The following CDH8 variants were observed in gnomAD, a reference collection of about 807,000 sequenced individuals.
CDH8 encodes cadherin 8.
In CDH8, 17 loss-of-function variants were observed where a neutral mutation model predicts 68.1. The ratio of observed to expected loss-of-function variants is 0.25; its 90% CI spans 0.17 to 0.37. CDH8 has a LOEUF of 0.37. CDH8 is among the 10% of genes least tolerant of loss of function. The pLI, the probability that CDH8 is intolerant of heterozygous loss-of-function variation, is 1.00. For missense variants in CDH8, 763 were observed against 999.3 expected (o/e 0.76, Z 3.19); for synonymous variants, 372 against 365.1 (o/e 1.02, Z -0.21).
Position 61,647,689 on chromosome 16 carries a change from T to G in CDH8, c.*5919A>C, listed in dbSNP as rs555989541. ...GAGCATAATTGTTAAAATTTTCCTC[T>G]TATTTTTGAGGAATCATAGGATGGC... On this transcript the variant is annotated 3_prime_UTR_variant, in exon 12 of 12. Coordinates refer to ENST00000577390, the MANE Select transcript of CDH8 (RefSeq NM_001796.5). The G allele has an allele frequency of 1.9e-4, 122 of 639,404 alleles. No individual in the cohort carries two copies. In the South Asian group the frequency reaches 1.9e-3, roughly 10 times the overall value. The allele number at this position is 639,404 out of a possible 1,614,324, so 39.6% of individuals were successfully genotyped here.
chr16:61,882,366 T>A (rs2143136552), intron 3 of CDH8, among the ~76,000 whole-genome samples: 1 of 152,338 alleles, frequency 6.6e-6, no homozygotes, highest in South Asian at 2.1e-4. Context: ...AATAAAGAGA[T>A]GATGTTGAAA....
intron 9 of CDH8, among the ~76,000 whole-genome samples, chr16:61,723,498 C>T (rs1171242001): frequency 6.0e-5 from 9 of 150,774 alleles, no homozygotes; most frequent in Non-Finnish European, 3.0e-5. Flanking sequence ...AGCTCCATTT[C>T]CCCTTCTCCC....
At chr16:61,852,584 AG>A (rs988156104) in intron 4 of CDH8, among the ~76,000 whole-genome samples, 21 of 152,200 alleles carry the variant, frequency 1.4e-4, no homozygotes, top group Non-Finnish European at 2.4e-4. Context: ...ATTTGGAAAA[AG>A]CATGAATGCT....
chr16:61,847,077 C>T (rs1295076379), intron 4 of CDH8, among the ~76,000 whole-genome samples: 1 of 152,096 alleles, frequency 6.6e-6, no homozygotes, highest in Non-Finnish European at 1.5e-5. Context: ...AATCCAGCAT[C>T]TCCTGGGATC....
intron 9 of CDH8, among the ~76,000 whole-genome samples, chr16:61,716,737 A>G (rs560830666): frequency 6.6e-6 from 1 of 151,830 alleles, no homozygotes; most frequent in South Asian, 2.1e-4. Flanking sequence ...ACTGGTTATG[A>G]TTAAGATTTT....
In CDH8 at chr16:61,650,487, A is replaced by C. The variant is rs181197564; in HGVS notation, c.*3121T>G. 1 of 152,278 alleles carries C rather than the reference A, an allele frequency of 6.6e-6. No individual in the cohort carries two copies. The highest frequency in any genetic ancestry group is 1.5e-5 in the Non-Finnish European group (1 of 68,020). The allele number at this position is 152,278 out of a possible 1,614,324, so 9.4% of individuals were successfully genotyped here. ...TGATGAAACAGACAACAATGCACAT[A>C]GCTTTAAAAATATAGTCATTTCAAT... On this transcript the variant is annotated 3_prime_UTR_variant, in exon 12 of 12. Transcript: ENST00000577390.
intron 4 of CDH8, among the ~76,000 whole-genome samples, chr16:61,852,790 C>G (rs1962962281): frequency 6.6e-6 from 1 of 151,820 alleles, no homozygotes; most frequent in African/African-American, 2.4e-5. Context: ...TTCCCTTTAT[C>G]CTCCCTGCTT....
Position 62,021,413 on chromosome 16 carries a change from A to G in CDH8, c.-10T>C, listed in dbSNP as rs746931595. Reference sequence around the variant, plus strand: ...CTAGCCGTTCTGGCATGGTCCCACCAGTTAAGCAAATCACCACGAAAATGA... The same window carrying G: ...CTAGCCGTTCTGGCATGGTCCCACCGGTTAAGCAAATCACCACGAAAATGA... On this transcript the variant is annotated 5_prime_UTR_variant, in exon 2 of 12. Transcript: ENST00000577390. 10 of 1,582,184 alleles carry G rather than the reference A, an allele frequency of 6.3e-6. No individual in the cohort carries two copies. The South Asian group carries it at 1.0e-4, about 16-fold the overall frequency.
intron 8 of CDH8, among the ~76,000 whole-genome samples, chr16:61,760,470 C>T (rs1179413759): frequency 6.6e-6 from 1 of 151,764 alleles, no homozygotes; most frequent in Admixed American, 6.6e-5. Flanking sequence ...ACCACCATGC[C>T]CAGCTAATTT....
intron 10 of CDH8, chr16:61,692,859 C>T (rs976258776): frequency 6.6e-6 from 1 of 152,088 alleles, no homozygotes; most frequent in Non-Finnish European, 1.5e-5. Context: ...AAACTATTAG[C>T]TTCTTAGTTA....
intron 10 of CDH8, chr16:61,692,474 C>T (rs1001436443): frequency 1.3e-5 from 2 of 151,970 alleles, no homozygotes; most frequent in African/African-American, 4.8e-5. Flanking sequence ...TTTCTACACA[C>T]ATACACACCA....
At chr16:61,907,852 G>A (rs958689913) in intron 2 of CDH8, among the ~76,000 whole-genome samples, 2 of 151,816 alleles carry the variant, frequency 1.3e-5, no homozygotes, top group African/African-American at 2.4e-5. Context: ...AGACCATCCT[G>A]GCTAACACGG....
intron 2 of CDH8, among the ~76,000 whole-genome samples, chr16:61,984,514 C>G (rs1237552664): frequency 6.6e-6 from 1 of 151,450 alleles, no homozygotes; most frequent in Non-Finnish European, 1.5e-5. Context: ...TCATCTCCAA[C>G]TCTTGGGCTC....
chr16:61,708,793 G>A (rs1170527115), intron 10 of CDH8, among the ~76,000 whole-genome samples: 1 of 152,100 alleles, frequency 6.6e-6, no homozygotes, highest in African/African-American at 2.4e-5. Context: ...GCTGTTCTCC[G>A]TATCTATGAT....
chr16:62,032,000 C>T (rs183384346), intron 1 of CDH8: 110 of 152,234 alleles, frequency 7.2e-4, no homozygotes, highest in African/African-American at 2.5e-3. Flanking sequence ...GAAATAGATT[C>T]GCATCACAAT....
intron 7 of CDH8, among the ~76,000 whole-genome samples, chr16:61,799,974 T>C (rs1961583669): frequency 6.6e-6 from 1 of 152,142 alleles, no homozygotes; most frequent in Non-Finnish European, 1.5e-5. Flanking sequence ...AGTGGCACGA[T>C]CCCAGCTCAC....
chr16:61,886,863 C>T (rs1188463573), intron 3 of CDH8, among the ~76,000 whole-genome samples: 6 of 152,132 alleles, frequency 3.9e-5, no homozygotes, highest in Non-Finnish European at 8.8e-5. Flanking sequence ...GAATGTCTGC[C>T]TGTGTCCCAG....
At chr16:61,725,651 T>C (rs1303816890) in intron 9 of CDH8, 2 of 150,770 alleles carry the variant, frequency 1.3e-5, no homozygotes, top group African/African-American at 4.8e-5. Flanking sequence ...TATGTATTGA[T>C]ATGTGTATAT....
intron 2 of CDH8, among the ~76,000 whole-genome samples, chr16:61,928,370 C>G (rs538989537): frequency 6.6e-6 from 1 of 152,196 alleles, no homozygotes; most frequent in African/African-American, 2.4e-5. Flanking sequence ...GCTACATTTA[C>G]TATGCCAGTT....
Sources: allele counts gnomAD v4.1 joint callset (sites outside exome capture counted in the v4.1 genomes callset), GRCh38; gene constraint gnomAD v4.1.1; transcripts MANE v1.5; gene names NCBI Gene and HGNC (gene_info 2026-07-23, HGNC 2026-07-21).